Variants in TLL2 observed in about 807,000 individuals in gnomAD.
TLL2 encodes the protein tolloid-like protein 2.
Under a neutral mutation model 123.0 loss-of-function variants are expected in TLL2, and 106 were observed. The observed-to-expected ratio is 0.86, with a 90% CI of 0.74 to 1.01. TLL2 has a LOEUF of 1.01. Among genes scored for constraint, TLL2 ranks in the 50% least tolerant of loss-of-function variants. The pLI, the probability that TLL2 is intolerant of heterozygous loss-of-function variation, is 0.00. For missense variants in TLL2, 1,332 were observed against 1,336.7 expected, an observed-to-expected ratio of 1.00 and a Z score of 0.06; for synonymous variants, 494 against 516.8, an observed-to-expected ratio of 0.96 and a Z score of 0.60.
intron 1 of TLL2, among the ~76,000 whole-genome samples, chr10:96,497,455 G>C (rs992273945): frequency 6.6e-6 from 1 of 152,192 alleles, no homozygotes; most frequent in Non-Finnish European, 1.5e-5. Context: ...TGCTTCTGTG[G>C]ACGGCATCCT....
Position 96,395,311 on chromosome 10 carries a change from C to G in TLL2, c.1602G>C (p.Leu534=), listed in dbSNP as rs1371034212. The G allele has an allele frequency of 1.9e-6, 3 of 1,614,034 alleles. No individual in the cohort carries two copies. Among genetic ancestry groups the G allele is most frequent in the South Asian group, 1.1e-5 (1 of 91,026 alleles). Residue 534 remains leucine (L), a synonymous_variant, in exon 13 of 21, where the codon CTG becomes CTC. Transcript: ENST00000357947. ...TCTCATAGCCACAAAAGTGGCCGATCAGGGCACTCTCTTCCGTGGGGCCAT... is the reference window on the plus strand; with the variant it reads ...TCTCATAGCCACAAAAGTGGCCGATGAGGGCACTCTCTTCCGTGGGGCCAT... ...VRDGPTEESA[L]IGHFCGYEKP...
At chr10:96,479,878 A>G (rs1289692132) in intron 2 of TLL2, among the ~76,000 whole-genome samples, 1 of 152,120 alleles carries the variant, frequency 6.6e-6, no homozygotes, top group Non-Finnish European at 1.5e-5. Context: ...CCACCTGAAG[A>G]GCCCTTTTTT....
intron 16 of TLL2, among the ~76,000 whole-genome samples, chr10:96,382,690 G>A (rs1170049268): frequency 6.6e-6 from 1 of 152,208 alleles, no homozygotes; most frequent in Non-Finnish European, 1.5e-5. Flanking sequence ...CACCCATGTG[G>A]TGCCTTTCAC....
intron 1 of TLL2, among the ~76,000 whole-genome samples, chr10:96,501,230 A>T (rs1389374754): frequency 6.6e-6 from 1 of 152,230 alleles, no homozygotes; most frequent in Non-Finnish European, 1.5e-5. Context: ...TTAAACCATT[A>T]TCTCCCTTTC....
intron 2 of TLL2, among the ~76,000 whole-genome samples, chr10:96,450,152 T>C (rs892150889): frequency 2.0e-5 from 3 of 151,168 alleles, no homozygotes; most frequent in Non-Finnish European, 4.4e-5. Flanking sequence ...GGTGGGTGAA[T>C]GAATGCATGG....
At chr10:96,456,786 G>A (rs1055241146) in intron 2 of TLL2, among the ~76,000 whole-genome samples, 24 of 152,212 alleles carry the variant, frequency 1.6e-4, no homozygotes, top group Non-Finnish European at 2.8e-4. Flanking sequence ...AGACACAGCT[G>A]TGACCCAGGC....
At chr10:96,391,941 A>AGTAG (rs1371938968) in intron 13 of TLL2, among the ~76,000 whole-genome samples, 1 of 152,240 alleles carries the variant, frequency 6.6e-6, no homozygotes, top group Non-Finnish European at 1.5e-5. Flanking sequence ...ATGCCCTCCA[A>AGTAG]GTAGGACACT....
intron 19 of TLL2, among the ~76,000 whole-genome samples, chr10:96,372,565 C>T (rs1180331791): frequency 4.6e-5 from 7 of 152,220 alleles, no homozygotes; most frequent in Non-Finnish European, 1.0e-4. Context: ...TAAGCACGTA[C>T]ATTTCCCACC....
At chr10:96,381,929 T>C (rs1846189601) in intron 16 of TLL2, among the ~76,000 whole-genome samples, 3 of 152,192 alleles carry the variant, frequency 2.0e-5, no homozygotes, top group Admixed American at 2.0e-4. Flanking sequence ...TGCCAAGCAT[T>C]AAGACTATAA....
rs1364503269 is a variant in TLL2, at chr10:96,367,968, GT to G, written c.*119del. The G allele has an allele frequency of 7.9e-7, 1 of 1,271,922 alleles. No individual in the cohort carries two copies. Among genetic ancestry groups the G allele is most frequent in the African/African-American group, 1.5e-5 (1 of 66,956 alleles). The allele number at this position is 1,271,922 out of a possible 1,614,324, so 78.8% of individuals were successfully genotyped here. A position where few individuals can be genotyped will look rare whatever the true frequency, so the allele number is the denominator to read the frequency against. On this transcript the variant is annotated 3_prime_UTR_variant, in exon 21 of 21. Transcript: ENST00000357947. Reference sequence around the variant, plus strand: ...ATATACCTCTAAGGCTGGATTCTGAGTTTTTGTTTGAGAAAAATACTGTACA... The same window carrying G: ...ATATACCTCTAAGGCTGGATTCTGAGTTTTGTTTGAGAAAAATACTGTACA...
intron 2 of TLL2, among the ~76,000 whole-genome samples, chr10:96,458,905 G>T (rs967380345): frequency 1.3e-5 from 2 of 151,906 alleles, no homozygotes; most frequent in Admixed American, 1.3e-4. Flanking sequence ...CACCAGCCTG[G>T]GCAACATTAC....
chr10:96,501,261 A>T (rs1478831371), intron 1 of TLL2, among the ~76,000 whole-genome samples: 6 of 152,246 alleles, frequency 3.9e-5, no homozygotes, highest in Admixed American at 3.9e-4. Flanking sequence ...AGGGCACCCC[A>T]GTGCCTGCTG....
intron 2 of TLL2, among the ~76,000 whole-genome samples, chr10:96,458,177 G>A (rs2134092727): frequency 6.6e-6 from 1 of 152,202 alleles, no homozygotes; most frequent in South Asian, 2.1e-4. Flanking sequence ...AGACGGGGAG[G>A]AGAGCTGCTT....
intron 7 of TLL2, among the ~76,000 whole-genome samples, chr10:96,417,353 T>A: frequency 6.6e-6 from 1 of 152,200 alleles, no homozygotes; most frequent in East Asian, 1.9e-4. Flanking sequence ...GACAATGCAG[T>A]CATCCACCTG....
At chr10:96,478,229 G>A (rs982258730) in intron 2 of TLL2, among the ~76,000 whole-genome samples, 10 of 152,324 alleles carry the variant, frequency 6.6e-5, no homozygotes, top group South Asian at 4.1e-4. Flanking sequence ...GGGCCCCCAA[G>A]GACAGCAGGA....
chr10:96,459,713 T>TAC lies in TLL2; in HGVS notation c.287-13546_287-13545insGT, dbSNP rs1425205668. Among the ~76,000 whole-genome samples, 42 of 80,336 alleles carry TAC rather than the reference T, an allele frequency of 5.2e-4. 2 individuals carry two copies. The highest frequency in any genetic ancestry group is 2.2e-3 in the Admixed American group (13 of 6,040). The allele number at this position is 80,336 out of a possible 152,430, so 52.7% of individuals were successfully genotyped here. ...AAAAAAAAAAAAAAAAAAATATATA[T>TAC]ATATATATATATATATATAGCAGCT... On this transcript the variant is annotated intron_variant, in intron 2 of 20. Coordinates refer to ENST00000357947, the MANE Select transcript of TLL2 (RefSeq NM_012465.4).
chr10:96,496,180 T>C (rs1193075672), intron 1 of TLL2, among the ~76,000 whole-genome samples: 1 of 152,122 alleles, frequency 6.6e-6, no homozygotes, highest in East Asian at 1.9e-4. Context: ...TTGCTCAGGA[T>C]AGATATTCCT....
chr10:96,436,256 C>G (rs1023591149), intron 3 of TLL2, among the ~76,000 whole-genome samples: 1 of 152,212 alleles, frequency 6.6e-6, no homozygotes, highest in African/African-American at 2.4e-5. Flanking sequence ...TGGATTTGGC[C>G]TACTGATATC....
intron 18 of TLL2, among the ~76,000 whole-genome samples, chr10:96,374,869 C>T (rs113787293): frequency 3.3e-5 from 5 of 151,682 alleles, no homozygotes; most frequent in African/African-American, 1.2e-4. Context: ...ATGGGAGCCC[C>T]AGCGTCAAGG....
Sources: gnomAD v4.1 joint callset for allele counts (sites outside exome capture counted in the v4.1 genomes callset) on GRCh38, gnomAD v4.1.1 for gene constraint, MANE v1.5 for transcripts, NCBI Gene and HGNC (gene_info 2026-07-23, HGNC 2026-07-21) for gene names.